SLC4A4: variants seen among roughly 807,000 people sequenced by gnomAD.
SLC4A4 encodes solute carrier family 4 member 4.
In SLC4A4, 27 loss-of-function variants were observed where a neutral mutation model predicts 111.5. That is an observed-to-expected ratio of 0.24 (90% CI 0.18 to 0.33). The LOEUF is 0.33. Among genes scored for constraint, SLC4A4 ranks in the 10% least tolerant of loss-of-function variants. SLC4A4 has a pLI of 1.00. For missense variants in SLC4A4, 909 were observed against 1,315.5 expected, an observed-to-expected ratio of 0.69 and a Z score of 4.78; for synonymous variants, 443 against 463.4, an observed-to-expected ratio of 0.96 and a Z score of 0.57.
chr4:71,503,859 G>A (rs1443416115), intron 16 of SLC4A4, among the ~76,000 whole-genome samples: 1 of 152,080 alleles, frequency 6.6e-6, no homozygotes, highest in Non-Finnish European at 1.5e-5. Context: ...TTATAAGACT[G>A]ATCTAGCAAT....
chr4:71,570,945 A>ACTGACTTAG lies in SLC4A4; in HGVS notation c.*3194_*3195insCTGACTTAG, dbSNP rs1280628404. On this transcript the variant is annotated 3_prime_UTR_variant, in exon 26 of 26. Transcript: ENST00000264485. ...CTGGGGAGAGGACTTAACTGACTTA[A>ACTGACTTAG]GAAGTAGGAAAACAAAAACCTCTCT... 6.6e-6 allele frequency: 1 copy of ACTGACTTAG among 152,176 alleles called. No individual in the cohort carries two copies. The highest frequency in any genetic ancestry group is 1.5e-5 in the Non-Finnish European group (1 of 67,816). 9.4% of individuals were successfully genotyped at this position (152,176 alleles called of 1,614,324 possible).
chr4:71,390,017 C>T (rs1393848848), intron 6 of SLC4A4, among the ~76,000 whole-genome samples: 2 of 152,126 alleles, frequency 1.3e-5, no homozygotes, highest in African/African-American at 2.4e-5. Flanking sequence ...TAATAACTTT[C>T]CTTAGTCTAA....
At chr4:71,254,418 G>A (rs992307965) in intron 2 of SLC4A4, among the ~76,000 whole-genome samples, 1 of 151,740 alleles carries the variant, frequency 6.6e-6, no homozygotes, top group Non-Finnish European at 1.5e-5. Context: ...TTTTCCTCAT[G>A]CCCTTCTCTT....
intron 4 of SLC4A4, among the ~76,000 whole-genome samples, chr4:71,349,593 A>T (rs977674674): frequency 1.3e-5 from 2 of 152,134 alleles, no homozygotes; most frequent in African/African-American, 2.4e-5. Flanking sequence ...ATATTTTTCT[A>T]CCTTATTAAA....
intron 2 of SLC4A4, among the ~76,000 whole-genome samples, chr4:71,113,507 T>C (rs1036913713): frequency 6.6e-6 from 1 of 152,092 alleles, no homozygotes; most frequent in Non-Finnish European, 1.5e-5. Context: ...TTATGGCAGG[T>C]AGAGTGCTGG....
chr4:71,335,697 T>C (rs28750092), intron 3 of SLC4A4, among the ~76,000 whole-genome samples: 2,301 of 152,026 alleles, frequency 0.015, 42 homozygotes, highest in Middle Eastern at 0.058. Flanking sequence ...TTGTGGTGGG[T>C]GCCTGTAGTC....
chr4:71,558,899 T>G (rs1372782412), intron 22 of SLC4A4, among the ~76,000 whole-genome samples: 1 of 151,816 alleles, frequency 6.6e-6, no homozygotes, highest in Non-Finnish European at 1.5e-5. Flanking sequence ...AAAAGCACAC[T>G]GAGTATGAGA....
chr4:71,439,470 A>AAAAAAAAAG (rs1724502798), intron 7 of SLC4A4, among the ~76,000 whole-genome samples: 1 of 136,532 alleles, frequency 7.3e-6, no homozygotes, highest in Non-Finnish European at 1.6e-5. Flanking sequence ...AAAAAAAAAA[A>AAAAAAAAAG]AGAAAAGAAA....
chr4:71,498,244 G>A (rs991394070), intron 16 of SLC4A4, among the ~76,000 whole-genome samples: 1 of 152,072 alleles, frequency 6.6e-6, no homozygotes, highest in Non-Finnish European at 1.5e-5. Context: ...AATTAAACTG[G>A]GTTGTGCAAA....
intron 2 of SLC4A4, among the ~76,000 whole-genome samples, chr4:71,240,754 A>G (rs1158670836): frequency 1.3e-5 from 2 of 152,212 alleles, no homozygotes; most frequent in Non-Finnish European, 2.9e-5. Context: ...TATAACATAA[A>G]CTAAATAAAG....
At chr4:71,232,221 G>C (rs1033740688) in intron 1 of SLC4A4, among the ~76,000 whole-genome samples, 4 of 152,178 alleles carry the variant, frequency 2.6e-5, no homozygotes, top group African/African-American at 9.7e-5. Context: ...TAGTCTTGGA[G>C]GGAATGTGAA....
intron 3 of SLC4A4, among the ~76,000 whole-genome samples, chr4:71,306,099 A>G (rs917843926): frequency 1.3e-5 from 2 of 152,128 alleles, no homozygotes; most frequent in African/African-American, 2.4e-5. Flanking sequence ...TAGCTCCTCT[A>G]CCTCTTTAGG....
intron 7 of SLC4A4, among the ~76,000 whole-genome samples, chr4:71,421,471 C>G (rs1190639731): frequency 6.6e-6 from 1 of 152,154 alleles, no homozygotes; most frequent in Non-Finnish European, 1.5e-5. Context: ...GAATTCAGCT[C>G]TGCACCAGGC....
intron 1 of SLC4A4, among the ~76,000 whole-genome samples, chr4:71,211,050 G>A (rs2149011997): frequency 6.6e-6 from 1 of 152,338 alleles, no homozygotes; most frequent in East Asian, 1.9e-4. Flanking sequence ...TTTGTAATTT[G>A]TCTTGGCAAC....
At chr4:71,483,790 A>G (rs920956309) in intron 14 of SLC4A4, among the ~76,000 whole-genome samples, 2 of 151,990 alleles carry the variant, frequency 1.3e-5, no homozygotes, top group Non-Finnish European at 1.5e-5. Flanking sequence ...ACTCCCACCA[A>G]CAGTGTATAA....
chr4:71,218,711 AAG>A (rs1265068618), intron 1 of SLC4A4, among the ~76,000 whole-genome samples: 1 of 152,146 alleles, frequency 6.6e-6, no homozygotes, highest in African/African-American at 2.4e-5. Context: ...TCATCTGTAA[AAG>A]GGGGATGATA....
chr4:71,567,473 T>C (rs1737589352), intron 25 of SLC4A4, among the ~76,000 whole-genome samples: 2 of 151,838 alleles, frequency 1.3e-5, no homozygotes, highest in Admixed American at 1.3e-4. Flanking sequence ...TGAATGTTTT[T>C]ATTATGTCAG....
At chr4:71,075,114 A>AT in intron 1 of SLC4A4, among the ~76,000 whole-genome samples, 1 of 152,304 alleles carries the variant, frequency 6.6e-6, no homozygotes, top group East Asian at 1.9e-4. Context: ...TAGCATTCTT[A>AT]TTGCACCTGA....
intron 16 of SLC4A4, among the ~76,000 whole-genome samples, chr4:71,522,510 A>G (rs1733042396): frequency 2.6e-5 from 4 of 152,212 alleles, no homozygotes; most frequent in African/African-American, 7.2e-5. Context: ...ACCATAGTTT[A>G]AAAACAGCAG....
Sources: allele counts gnomAD v4.1 joint callset (sites outside exome capture counted in the v4.1 genomes callset), GRCh38; gene constraint gnomAD v4.1.1; transcripts MANE v1.5; gene names NCBI Gene and HGNC (gene_info 2026-07-23, HGNC 2026-07-21).